Variants in MAMDC2 observed in about 807,000 individuals in gnomAD.
MAMDC2 encodes MAM domain containing 2.
A neutral mutation model predicts 89.8 loss-of-function variants in MAMDC2; 57 were observed. The observed-to-expected ratio is 0.63, with a 90% CI of 0.51 to 0.79. MAMDC2 has a LOEUF of 0.79. MAMDC2 is among the 30% of genes least tolerant of loss of function. The probability of loss-of-function intolerance (pLI) is 0.00; values close to 1 mark genes in which losing one functional copy is unlikely to be tolerated. For missense variants in MAMDC2, 800 were observed against 820.6 expected, an observed-to-expected ratio of 0.97 and a Z score of 0.31; for synonymous variants, 313 against 293.4, an observed-to-expected ratio of 1.07 and a Z score of -0.68.
chr9:70,171,463 G>T (rs1041741369), intron 11 of MAMDC2, among the ~76,000 whole-genome samples: 1 of 152,040 alleles, frequency 6.6e-6, no homozygotes, highest in African/African-American at 2.4e-5. Context: ...TCATGCCATT[G>T]CACCCAGCTT....
chr9:70,045,092 T>C (rs548747728), intron 2 of MAMDC2, among the ~76,000 whole-genome samples: 4 of 152,372 alleles, frequency 2.6e-5, no homozygotes, highest in African/African-American at 4.8e-5. Flanking sequence ...AAAAGTTGCA[T>C]GGGACTAGTT....
intron 2 of MAMDC2, among the ~76,000 whole-genome samples, chr9:70,099,980 A>AAG (rs60292765): frequency 0.033 from 3,865 of 115,464 alleles, 99 homozygotes; most frequent in East Asian, 0.043. Context: ...GCCAAAAAGA[A>AAG]AGAGAGAGAG....
At chr9:70,114,252 A>T (rs1056218057) in intron 5 of MAMDC2, among the ~76,000 whole-genome samples, 9 of 146,968 alleles carry the variant, frequency 6.1e-5, no homozygotes, top group African/African-American at 1.8e-4. Flanking sequence ...AGCAAATGAC[A>T]TGTGGGCTGG....
chr9:70,220,423 T>A (rs1271763790), intron 12 of MAMDC2, among the ~76,000 whole-genome samples: 1 of 152,152 alleles, frequency 6.6e-6, no homozygotes, highest in East Asian at 1.9e-4. Flanking sequence ...ATGGAACAGA[T>A]AAGAATCTCC....
chr9:70,057,722 A>G (rs1195625345), intron 2 of MAMDC2, among the ~76,000 whole-genome samples: 4 of 152,198 alleles, frequency 2.6e-5, no homozygotes, highest in Admixed American at 2.6e-4. Flanking sequence ...TTTCCATCCT[A>G]ATGTGCAGTG....
Position 70,044,010 on chromosome 9 carries a change from C to A in MAMDC2, c.-188C>A, listed in dbSNP as rs41283669. ...CGCTCTCCATTCGAGCACCTTCCAG[C>A]ATACCGCTCGGCTCCGGGAGCCGCT... On this transcript the variant is annotated 5_prime_UTR_variant, in exon 1 of 14. Transcript: ENST00000377182. The A allele has an allele frequency of 0.016, 10,301 of 656,678 alleles. 123 individuals carry two copies. Among genetic ancestry groups the A allele is most frequent in the Admixed American group, 0.029 (1,111 of 37,914 alleles). The allele number at this position is 656,678 out of a possible 1,614,324, so 40.7% of individuals were successfully genotyped here.
chr9:70,125,145 T>C (rs1376153782), intron 5 of MAMDC2, among the ~76,000 whole-genome samples: 1 of 152,202 alleles, frequency 6.6e-6, no homozygotes, highest in African/African-American at 2.4e-5. Flanking sequence ...CTCAAATGAA[T>C]TCAGAAAAAA....
At chr9:70,099,836 G>A (rs983656750) in intron 2 of MAMDC2, among the ~76,000 whole-genome samples, 17 of 152,028 alleles carry the variant, frequency 1.1e-4, no homozygotes, top group African/African-American at 2.9e-4. Flanking sequence ...TTAGCTGGGC[G>A]TGGTGCCGGG....
chr9:70,205,962 A>C (rs2118646946), intron 11 of MAMDC2, among the ~76,000 whole-genome samples: 2 of 136,904 alleles, frequency 1.5e-5, no homozygotes, highest in South Asian at 5.3e-4. Context: ...GGGGAAACCA[A>C]GTGTCATTTG....
intron 4 of MAMDC2, 105 bp downstream of exon 4, chr9:70,109,909 A>G (rs1275502450): frequency 2.3e-6 from 2 of 863,662 alleles, no homozygotes; most frequent in African/African-American, 3.3e-5. Context: ...ATTTTATAGA[A>G]TGCACTGCAT....
At chr9:70,135,673 A>G (rs1388937003) in intron 7 of MAMDC2, among the ~76,000 whole-genome samples, 5 of 152,006 alleles carry the variant, frequency 3.3e-5, no homozygotes, top group Non-Finnish European at 5.9e-5. Flanking sequence ...TTCACAGCAA[A>G]ATTGAGAGGA....
intron 9 of MAMDC2, among the ~76,000 whole-genome samples, chr9:70,168,144 A>G (rs1230430983): frequency 6.6e-6 from 1 of 152,214 alleles, no homozygotes; most frequent in Non-Finnish European, 1.5e-5. Context: ...ACGAAATGCC[A>G]CTAATTTCAG....
chr9:70,078,113 A>G (rs1167060268), intron 2 of MAMDC2, among the ~76,000 whole-genome samples: 1 of 152,176 alleles, frequency 6.6e-6, no homozygotes, highest in East Asian at 1.9e-4. Flanking sequence ...ATAGTGCACA[A>G]TGTGTGAGAT....
At chr9:70,073,239 C>A (rs1003018373) in intron 2 of MAMDC2, among the ~76,000 whole-genome samples, 1 of 152,232 alleles carries the variant, frequency 6.6e-6, no homozygotes, top group Non-Finnish European at 1.5e-5. Context: ...GCTTAAATAT[C>A]TGAAAATACG....
chr9:70,167,219 T>C (rs1178939121), intron 9 of MAMDC2, among the ~76,000 whole-genome samples: 1 of 152,222 alleles, frequency 6.6e-6, no homozygotes, highest in African/African-American at 2.4e-5. Flanking sequence ...ATCCTTTTTA[T>C]AATTGAAAGC....
intron 2 of MAMDC2, among the ~76,000 whole-genome samples, chr9:70,078,279 A>G (rs1827580608): frequency 6.6e-6 from 1 of 152,202 alleles, no homozygotes; most frequent in Non-Finnish European, 1.5e-5. Context: ...TCTCTCCTTC[A>G]GAATGTTCAT....
chr9:70,181,722 C>T (rs1587549814), intron 11 of MAMDC2, among the ~76,000 whole-genome samples: 1 of 152,242 alleles, frequency 6.6e-6, no homozygotes, highest in East Asian at 1.9e-4. Context: ...AGAGACTTTG[C>T]TGAAGTTGAT....
intron 9 of MAMDC2, among the ~76,000 whole-genome samples, chr9:70,160,601 G>A (rs1376949552): frequency 2.6e-5 from 4 of 152,194 alleles, no homozygotes; most frequent in African/African-American, 9.6e-5. Context: ...AGATAAGGGT[G>A]TAGATGTGGA....
chr9:70,217,308 G>A (rs1263493966), intron 11 of MAMDC2: 32 of 1,372,240 alleles, frequency 2.3e-5, no homozygotes, highest in Non-Finnish European at 2.9e-5. Context: ...AATGCGAGTC[G>A]GCATTCCTTT....
Sources: allele counts gnomAD v4.1 joint callset (sites outside exome capture counted in the v4.1 genomes callset), GRCh38; gene constraint gnomAD v4.1.1; transcripts MANE v1.5; gene names NCBI Gene and HGNC (gene_info 2026-07-23, HGNC 2026-07-21).